The following PCDHGA5 variants were observed in gnomAD, a reference collection of about 807,000 sequenced individuals.
The protein encoded by PCDHGA5 is protocadherin gamma subfamily A, 5.
In PCDHGA5, 36 loss-of-function variants were observed where a neutral mutation model predicts 56.7. That is an observed-to-expected ratio of 0.64 (90% CI 0.49 to 0.84). The LOEUF is 0.84. Ranked by LOEUF, PCDHGA5 falls within the 40% of genes least tolerant of loss-of-function variation. PCDHGA5 has a pLI of 0.00. For missense variants in PCDHGA5, 1,305 were observed against 1,201.5 expected (o/e 1.09, Z -1.27); for synonymous variants, 563 against 520.2 (o/e 1.08, Z -1.12).
At chr5:141,414,009 T>C in intron 1 of PCDHGA5, 1 of 1,612,964 alleles carries the variant, frequency 6.2e-7, no homozygotes, top group Middle Eastern at 1.7e-4. Context: ...AAGGTGCCAA[T>C]GGAGAAGTGA....
chr5:141,389,205 G>A, intron 1 of PCDHGA5: 1 of 1,614,040 alleles, frequency 6.2e-7, no homozygotes, highest in Non-Finnish European at 8.5e-7. Flanking sequence ...CCTGCACATT[G>A]GTGATGTAAA....
rs773048793 is a variant in PCDHGA5, at chr5:141,505,456, A to T, written c.2544A>T (p.Gln848His). The T allele has an allele frequency of 1.3e-5, 21 of 1,614,110 alleles. No homozygotes were observed. The highest frequency in any genetic ancestry group is 1.7e-5 in the Non-Finnish European group (20 of 1,180,044). The change falls in exon 3 of 4, where the codon CAA becomes CAT. Residue 848 changes from glutamine (Q) to histidine (H), a missense_variant. By Grantham distance (24) the Gln-to-His change is conservative (BLOSUM62 0). Coordinates refer to ENST00000518069, the MANE Select transcript of PCDHGA5 (RefSeq NM_018918.3). ...ACCAGTTTGACACAGAGATGCTGCA[A>T]GCCATGATCTTGGCGTCCGCCAGTG... ...PNNQFDTEML[Q>H]AMILASASEA...
intron 1 of PCDHGA5, chr5:141,400,157 C>G (rs778405500): frequency 3.7e-6 from 6 of 1,614,050 alleles, no homozygotes; most frequent in African/African-American, 1.3e-5. Context: ...CGCCCTGTAC[C>G]CTCTGACCCC....
rs755293492 is a variant in PCDHGA5 at position 141,394,003 on chromosome 5, C to A, written c.2421+27252C>A. On this transcript the variant is annotated intron_variant, in intron 1 of 3. Transcript: ENST00000518069. ...AATTTACCTTTTAAATTAGAAAAGT[C>A]AATAGGTAATTATTATAGATTAGTG... The A allele has an allele frequency of 1.9e-6, 3 of 1,613,310 alleles. No homozygotes were observed. The South Asian group carries it at 3.3e-5, about 18-fold the overall frequency.
chr5:141,381,518 A>AT (rs1173205402), intron 1 of PCDHGA5, among the ~76,000 whole-genome samples: 1 of 152,222 alleles, frequency 6.6e-6, no homozygotes, highest in Non-Finnish European at 1.5e-5. Context: ...TAGGATGAAG[A>AT]TTTGAATTGC....
intron 1 of PCDHGA5, chr5:141,383,361 A>C: frequency 6.2e-7 from 1 of 1,614,022 alleles, no homozygotes; most frequent in Non-Finnish European, 8.5e-7. Flanking sequence ...GGTTTCCGTT[A>C]AGCGAGGCTG....
rs143252334 is a variant in PCDHGA5 at position 141,431,395 on chromosome 5, T to A, written c.2422-63412T>A. On this transcript the variant is annotated intron_variant, in intron 1 of 3. Transcript: ENST00000518069. The surrounding 1 kb of genome is among the most constrained non-coding windows in gnomAD (Gnocchi z 4.8). ...AAAAGGCTGCTCACCACCTGGTCCT[T>A]ACGGCCTCCGACGGGGGCGACCCGG... 2 of 1,613,720 alleles carry A rather than the reference T, an allele frequency of 1.2e-6. No individual in the cohort carries two copies. Among genetic ancestry groups the A allele is most frequent in the African/African-American group, 2.7e-5 (2 of 74,950 alleles).
At chr5:141,460,882 C>G (rs2098999926) in intron 1 of PCDHGA5, among the ~76,000 whole-genome samples, 1 of 149,600 alleles carries the variant, frequency 6.7e-6, no homozygotes, top group Non-Finnish European at 1.5e-5. Context: ...TTATTTCATG[C>G]CTTTTCGTGG....
At chr5:141,370,520 CAG>C (rs1250098556) in intron 1 of PCDHGA5, 3 of 1,613,752 alleles carry the variant, frequency 1.9e-6, no homozygotes, top group African/African-American at 2.7e-5. Context: ...AGGAGCTGGA[CAG>C]GGGCTCGCTG....
At position 141,415,393 on chromosome 5, in the gene PCDHGA5, T is replaced by C. The variant is rs574028530; in HGVS notation, c.2421+48642T>C. On this transcript the variant is annotated intron_variant, in intron 1 of 3. Transcript: ENST00000518069. ...TTCAGGAGGCGGCTTGACAGGTGTG[T>C]CCGGCTCGCACTTTGTGGGCGTGGA... 1.1e-5 allele frequency: 17 copies of C among 1,614,190 alleles called. No individual in the cohort carries two copies. In the East Asian group the frequency reaches 2.5e-4, roughly 23 times the overall value.
intron 1 of PCDHGA5, among the ~76,000 whole-genome samples, chr5:141,369,759 G>A (rs6873480): frequency 0.13 from 19,861 of 152,140 alleles, 1,700 homozygotes; most frequent in African/African-American, 0.25. Flanking sequence ...AAGAATACAC[G>A]TGAAGCTGAT....
intron 1 of PCDHGA5, chr5:141,385,250 G>C (rs1448897004): frequency 6.2e-7 from 1 of 1,613,820 alleles, no homozygotes. Context: ...AGCCAGGAGA[G>C]CTGTGAGAAA....
intron 1 of PCDHGA5, among the ~76,000 whole-genome samples, chr5:141,488,394 A>C (rs2099674951): frequency 1.3e-5 from 2 of 152,232 alleles, no homozygotes. Flanking sequence ...TGGTGAAACC[A>C]TGAAACCTAG....
At position 141,489,437 on chromosome 5, in the gene PCDHGA5, T is replaced by C; in HGVS notation, c.2422-5370T>C. The C allele has an allele frequency of 6.2e-7, 1 of 1,614,110 alleles. No individual in the cohort carries two copies. Among genetic ancestry groups the C allele is most frequent in the Non-Finnish European group, 8.5e-7 (1 of 1,180,020 alleles). ...GATCTGTTGAGCCGGCGGCTGCAATTGGGCTCTGAGGAGAATGGGCGCTAT... is the reference window on the plus strand; with the variant it reads ...GATCTGTTGAGCCGGCGGCTGCAATCGGGCTCTGAGGAGAATGGGCGCTAT... On this transcript the variant is annotated intron_variant, in intron 1 of 3. Transcript: ENST00000518069. This position sits in a 1 kb window ranked among gnomAD's most constrained non-coding sequence, Gnocchi z 4.5.
chr5:141,431,435 G>C lies in PCDHGA5; in HGVS notation c.2422-63372G>C, dbSNP rs376827063. The C allele has an allele frequency of 6.2e-7, 1 of 1,613,668 alleles. No homozygotes were observed. The highest frequency in any genetic ancestry group is 1.7e-5 in the Admixed American group (1 of 60,010). On this transcript the variant is annotated intron_variant, in intron 1 of 3. Coordinates refer to ENST00000518069, the MANE Select transcript of PCDHGA5 (RefSeq NM_018918.3). This position sits in a 1 kb window ranked among gnomAD's most constrained non-coding sequence, Gnocchi z 4.8. ...GGGCGACCCGGTGCGCACAGGCACC[G>C]CGCGCATCCGCGTGATGGTTCTGGA...
intron 1 of PCDHGA5, among the ~76,000 whole-genome samples, chr5:141,451,365 G>C (rs557753113): frequency 2.0e-5 from 3 of 152,116 alleles, no homozygotes; most frequent in Non-Finnish European, 4.4e-5. Context: ...GGATGGATCC[G>C]CTTCTAATCT....
intron 1 of PCDHGA5, chr5:141,492,070 GCCGGCT>G (rs1329848558): frequency 2.1e-6 from 1 of 477,826 alleles, no homozygotes; most frequent in Non-Finnish European, 3.7e-6. Context: ...CCTCCTAGGC[GCCGGCT>G]CCGGCACGCT....
At chr5:141,422,965 C>T (rs2096693602) in intron 1 of PCDHGA5, 2 of 1,614,116 alleles carry the variant, frequency 1.2e-6, no homozygotes, top group African/African-American at 2.7e-5. Context: ...GGAGCTGGCG[C>T]CCCGCTCTGC....
At chr5:141,393,171 G>C (rs768471669) in intron 1 of PCDHGA5, 10 of 1,613,150 alleles carry the variant, frequency 6.2e-6, no homozygotes, top group Admixed American at 1.7e-5. Context: ...CTTTGGGGTA[G>C]AAATAGAAAT....
Sources: allele counts gnomAD v4.1 joint callset (sites outside exome capture counted in the v4.1 genomes callset), GRCh38; gene constraint gnomAD v4.1.1; non-coding constraint Gnocchi (gnomAD v3.1); transcripts MANE v1.5; gene names NCBI Gene and HGNC (gene_info 2026-07-23, HGNC 2026-07-21).